The following WDR17 variants were observed in gnomAD, a reference collection of about 807,000 sequenced individuals.
WDR17 encodes WD repeat-containing protein 17.
In WDR17, 143 loss-of-function variants were observed where a neutral mutation model predicts 161.7. That is an observed-to-expected ratio of 0.88 (90% CI 0.77 to 1.02). The LOEUF (loss-of-function observed/expected upper bound fraction) is 1.02. Ranked by LOEUF, WDR17 falls within the 50% of genes least tolerant of loss-of-function variation. The pLI, the probability that WDR17 is intolerant of heterozygous loss-of-function variation, is 0.00. For missense variants in WDR17, 1,469 were observed against 1,520.9 expected, an observed-to-expected ratio of 0.97 and a Z score of 0.57; for synonymous variants, 517 against 515.6, an observed-to-expected ratio of 1.00 and a Z score of -0.04.
intron 1 of WDR17, among the ~76,000 whole-genome samples, chr4:176,098,936 TATTTA>T (rs1737352553): frequency 6.6e-6 from 1 of 152,086 alleles, no homozygotes; most frequent in Non-Finnish European, 1.5e-5. Context: ...CTGTAAAAGC[TATTTA>T]AGAACAAAGG....
At chr4:176,135,749 C>A (rs1744296274) in intron 8 of WDR17, among the ~76,000 whole-genome samples, 1 of 151,500 alleles carries the variant, frequency 6.6e-6, no homozygotes, top group African/African-American at 2.4e-5. Context: ...TTAGATGCCA[C>A]CTTATACCTT....
At chr4:176,087,798 T>A (rs2126615721) in intron 1 of WDR17, among the ~76,000 whole-genome samples, 1 of 152,222 alleles carries the variant, frequency 6.6e-6, no homozygotes, top group Middle Eastern at 3.4e-3. Context: ...ATTTCAGCCA[T>A]TGTGTTTTTC....
intron 22 of WDR17, among the ~76,000 whole-genome samples, chr4:176,167,521 C>G (rs1030705030): frequency 2.7e-5 from 4 of 150,190 alleles, no homozygotes; most frequent in African/African-American, 7.3e-5. Flanking sequence ...TGGCGGGCGC[C>G]TGTAGTCCCA....
chr4:176,130,640 G>A (rs1743261616), intron 6 of WDR17, among the ~76,000 whole-genome samples: 2 of 151,618 alleles, frequency 1.3e-5, no homozygotes, highest in South Asian at 4.2e-4. Flanking sequence ...AGCTACTGGG[G>A]AGGCTGAGGC....
At position 176,125,025 on chromosome 4, in the gene WDR17, A is replaced by G. The variant is rs939492413; in HGVS notation, c.539-79A>G. On this transcript the variant is annotated intron_variant, in intron 4 of 28. Transcript: ENST00000508596. The stretch of plus-strand genomic sequence containing the variant: ...ATACCCTCAGAGATAGATATTGTAC[A>G]AGGAAAAAGTTAGCATCATCTAAAT... 12 of 1,500,862 alleles carry G rather than the reference A, an allele frequency of 8.0e-6. No individual in the cohort carries two copies. The Admixed American group carries it at 9.3e-5, about 12-fold the overall frequency. The allele number at this position is 1,500,862 out of a possible 1,614,324, so 93.0% of individuals were successfully genotyped here. A position where few individuals can be genotyped will look rare whatever the true frequency, so the allele number is the denominator to read the frequency against.
At position 176,162,995 on chromosome 4, in the gene WDR17, G is replaced by A. The variant is rs188470245; in HGVS notation, c.2851-159G>A. On this transcript the variant is annotated intron_variant, in intron 21 of 28. Coordinates refer to ENST00000508596, the MANE Select transcript of WDR17 (RefSeq NM_181265.4). ...TTTTCCCTCTGAAAATTGCAATTAC[G>A]CTTACATAGCTACTTTATAGGAATA... 3.9e-5 allele frequency among the ~76,000 whole-genome samples: 6 copies of A among 152,142 alleles called. No homozygotes were observed. In the South Asian group the frequency reaches 6.2e-4, roughly 16 times the overall value.
chr4:176,135,023 G>T, intron 7 of WDR17, 85 bp from the exon 8 acceptor site: 1 of 1,373,196 alleles, frequency 7.3e-7, no homozygotes, highest in Middle Eastern at 2.0e-4. Context: ...GTATACATGT[G>T]TCAATTTGAG....
rs1188139697 is a variant in WDR17, at chr4:176,134,989, T to G, written c.1099-119T>G. 5.3e-6 allele frequency: 5 copies of G among 951,952 alleles called. No individual in the cohort carries two copies. In the African/African-American group the frequency reaches 6.6e-5, roughly 13 times the overall value. The allele number at this position is 951,952 out of a possible 1,614,324, so 59.0% of individuals were successfully genotyped here. A position where few individuals can be genotyped will look rare whatever the true frequency, so the allele number is the denominator to read the frequency against. ...TTTTCTGTTTTTCTTGCCTATATAT[T>G]TTTGCATTAATATTTGGAAAACCGT... On this transcript the variant is annotated intron_variant, in intron 7 of 28. Coordinates refer to ENST00000508596, the MANE Select transcript of WDR17 (RefSeq NM_181265.4).
chr4:176,095,319 C>T (rs548226222), intron 1 of WDR17, among the ~76,000 whole-genome samples: 2 of 152,214 alleles, frequency 1.3e-5, no homozygotes, highest in African/African-American at 4.8e-5. Context: ...AGGAAGTCAT[C>T]GAAATGTTAA....
At chr4:176,172,852 T>A (rs1249389903) in intron 24 of WDR17, among the ~76,000 whole-genome samples, 1 of 151,896 alleles carries the variant, frequency 6.6e-6, no homozygotes, top group African/African-American at 2.4e-5. Flanking sequence ...AACACTCAGA[T>A]CTCGTGTGGA....
chr4:176,131,493 A>G (rs1275835416), intron 6 of WDR17, 61 bp from the exon 7 acceptor site: 12 of 1,447,898 alleles, frequency 8.3e-6, no homozygotes, highest in Non-Finnish European at 1.0e-5. Flanking sequence ...TTAATGAAGA[A>G]TCTTTCTAAA....
intron 10 of WDR17, among the ~76,000 whole-genome samples, chr4:176,141,054 T>C (rs1291359093): frequency 6.6e-6 from 1 of 152,172 alleles, no homozygotes; most frequent in African/African-American, 2.4e-5. Flanking sequence ...TTCCATACAC[T>C]TCTAAAACTT....
chr4:176,160,063 G>T lies in WDR17; in HGVS notation c.2595G>T (p.Val865=). The T allele has an allele frequency of 6.2e-7, 1 of 1,613,804 alleles. No homozygotes were observed. Among genetic ancestry groups the T allele is most frequent in the Non-Finnish European group, 8.5e-7 (1 of 1,179,788 alleles). Residue 865 remains valine, a synonymous_variant, in exon 19 of 29, where the codon GTG becomes GTT. Coordinates refer to ENST00000508596, the MANE Select transcript of WDR17 (RefSeq NM_181265.4). Reference sequence around the variant, plus strand: ...CATACTGCATAGCCATTGGTGATGTGAAAAAGCTAGTCCATTTTTTCATGT... The same window carrying T: ...CATACTGCATAGCCATTGGTGATGTTAAAAAGCTAGTCCATTTTTTCATGT... ...VIPYCIAIGD[V]KKLVHFFMSR... is the part of the protein sequence containing the mutation.
chr4:176,073,741 T>G (rs1463133455), intron 1 of WDR17, among the ~76,000 whole-genome samples: 1 of 151,010 alleles, frequency 6.6e-6, no homozygotes, highest in Non-Finnish European at 1.5e-5. Flanking sequence ...AGTGTTCCTA[T>G]TTCTCCACAT....
chr4:176,123,348 C>A (rs1055019490), intron 4 of WDR17, among the ~76,000 whole-genome samples: 9 of 152,158 alleles, frequency 5.9e-5, no homozygotes, highest in Admixed American at 3.9e-4. Context: ...ACAGCAGACA[C>A]TCGCTGAGCG....
At chr4:176,124,024 C>T (rs1742034410) in intron 4 of WDR17, among the ~76,000 whole-genome samples, 1 of 152,210 alleles carries the variant, frequency 6.6e-6, no homozygotes, top group Non-Finnish European at 1.5e-5. Context: ...GAAAACCAAA[C>T]ATATATTTTA....
chr4:176,151,397 C>G, intron 16 of WDR17, among the ~76,000 whole-genome samples: 1 of 152,052 alleles, frequency 6.6e-6, no homozygotes, highest in South Asian at 2.1e-4. Flanking sequence ...TGTCCCACCC[C>G]CACACACACC....
intron 1 of WDR17, among the ~76,000 whole-genome samples, chr4:176,103,237 C>A (rs760568633): frequency 6.6e-6 from 1 of 151,922 alleles, no homozygotes; most frequent in Non-Finnish European, 1.5e-5. Context: ...TCAGAATAAC[C>A]CTGAGTAGTC....
At chr4:176,121,825 G>T (rs1005528833) in intron 4 of WDR17, among the ~76,000 whole-genome samples, 2 of 152,090 alleles carry the variant, frequency 1.3e-5, no homozygotes, top group African/African-American at 4.8e-5. Context: ...CCCTCTCTTA[G>T]GTTTAGAGGA....
Sources: gnomAD v4.1 joint callset for allele counts (sites outside exome capture counted in the v4.1 genomes callset) on GRCh38, gnomAD v4.1.1 for gene constraint, MANE v1.5 for transcripts, NCBI Gene and HGNC (gene_info 2026-07-23, HGNC 2026-07-21) for gene names.